Variants in LRRC4C observed in about 807,000 individuals in gnomAD.
LRRC4C encodes the protein leucine-rich repeat-containing protein 4C.
Under a neutral mutation model 33.6 loss-of-function variants are expected in LRRC4C, and 5 were observed. That is an observed-to-expected ratio of 0.15 (90% confidence interval 0.08 to 0.31). The LOEUF (loss-of-function observed/expected upper bound fraction) is 0.31, where lower values mean the gene tolerates loss of function less well. LRRC4C is among the 10% of genes least tolerant of loss of function. The pLI is 1.00. For missense variants in LRRC4C, 560 were observed against 796.7 expected (o/e 0.70, Z 3.58); for synonymous variants, 329 against 302.0 (o/e 1.09, Z -0.93).
At chr11:40,845,246 G>A (rs1953102861) in intron 2 of LRRC4C, among the ~76,000 whole-genome samples, 1 of 151,936 alleles carries the variant, frequency 6.6e-6, no homozygotes, top group African/African-American at 2.4e-5. Flanking sequence ...ATGGTGGTTT[G>A]CTGCATCCAT....
At chr11:40,275,153 T>C (rs974734610) in intron 4 of LRRC4C, among the ~76,000 whole-genome samples, 4 of 152,184 alleles carry the variant, frequency 2.6e-5, no homozygotes, top group African/African-American at 9.6e-5. Flanking sequence ...AGAGTCTGTC[T>C]TTTAAATGTA....
chr11:40,236,106 A>C (rs1268770243), intron 5 of LRRC4C, among the ~76,000 whole-genome samples: 1 of 152,038 alleles, frequency 6.6e-6, no homozygotes, highest in African/African-American at 2.4e-5. Flanking sequence ...AAAAAAAAAA[A>C]CAGCTACCAC....
intron 3 of LRRC4C, among the ~76,000 whole-genome samples, chr11:40,482,306 G>T (rs1424449870): frequency 6.6e-6 from 1 of 152,084 alleles, no homozygotes; most frequent in Non-Finnish European, 1.5e-5. Flanking sequence ...AGGACATTCA[G>T]ATTAATTGTG....
chr11:40,430,610 C>T (rs980278331), intron 3 of LRRC4C, among the ~76,000 whole-genome samples: 3 of 152,104 alleles, frequency 2.0e-5, no homozygotes, highest in Admixed American at 1.3e-4. Context: ...GAGACTTTGA[C>T]TGTGGCTGGC....
At chr11:40,542,598 T>G (rs1956766102) in intron 3 of LRRC4C, among the ~76,000 whole-genome samples, 1 of 151,964 alleles carries the variant, frequency 6.6e-6, no homozygotes, top group African/African-American at 2.4e-5. Context: ...GGCTTGGGAG[T>G]TTCCCTAGAG....
intron 1 of LRRC4C, among the ~76,000 whole-genome samples, chr11:41,119,908 A>G (rs1590656465): frequency 6.6e-6 from 1 of 152,192 alleles, no homozygotes; most frequent in African/African-American, 2.4e-5. Context: ...TAAAAAAATG[A>G]CTAGTGTAGG....
intron 1 of LRRC4C, among the ~76,000 whole-genome samples, chr11:41,206,407 T>C (rs1421507957): frequency 6.6e-6 from 1 of 152,188 alleles, no homozygotes; most frequent in African/African-American, 2.4e-5. Context: ...AAAAGTCTAA[T>C]ATTCCAACAC....
At chr11:40,599,522 C>T (rs1355416345) in intron 3 of LRRC4C, among the ~76,000 whole-genome samples, 1 of 152,104 alleles carries the variant, frequency 6.6e-6, no homozygotes, top group Non-Finnish European at 1.5e-5. Context: ...TATCCTGTCT[C>T]ATTTTTTGAC....
At chr11:40,638,140 G>A (rs1179974078) in intron 3 of LRRC4C, among the ~76,000 whole-genome samples, 1 of 152,056 alleles carries the variant, frequency 6.6e-6, no homozygotes, top group Non-Finnish European at 1.5e-5. Flanking sequence ...ATATTTTTCT[G>A]TAGAACTTGT....
intron 1 of LRRC4C, among the ~76,000 whole-genome samples, chr11:41,021,184 AGAGAGAGAG>A (rs1159374735): frequency 8.4e-6 from 1 of 119,280 alleles, no homozygotes; most frequent in Non-Finnish European, 1.8e-5. Flanking sequence ...AGAGAGAGAG[AGAGAGAGAG>A]AGAGAGAGAG....
At chr11:40,334,630 T>C (rs1946514551) in intron 3 of LRRC4C, among the ~76,000 whole-genome samples, 1 of 152,154 alleles carries the variant, frequency 6.6e-6, no homozygotes, top group Non-Finnish European at 1.5e-5. Context: ...AGTACTGAAG[T>C]CACCAGATAA....
chr11:40,221,537 G>C (rs1327542244), intron 5 of LRRC4C, among the ~76,000 whole-genome samples: 2 of 152,028 alleles, frequency 1.3e-5, no homozygotes, highest in Non-Finnish European at 2.9e-5. Context: ...TACTTATTTA[G>C]CCAGGTATAA....
chr11:41,078,030 C>T (rs1170505333), intron 1 of LRRC4C, among the ~76,000 whole-genome samples: 1 of 152,208 alleles, frequency 6.6e-6, no homozygotes, highest in Non-Finnish European at 1.5e-5. Flanking sequence ...CCACCAGTCT[C>T]TTTGCTAAAG....
At chr11:40,338,595 G>T (rs1946733077) in intron 3 of LRRC4C, among the ~76,000 whole-genome samples, 1 of 152,090 alleles carries the variant, frequency 6.6e-6, no homozygotes, top group African/African-American at 2.4e-5. Context: ...TGAATATGAG[G>T]TCTATCTTGT....
At chr11:40,903,993 C>T (rs927946540) in intron 2 of LRRC4C, among the ~76,000 whole-genome samples, 1 of 151,742 alleles carries the variant, frequency 6.6e-6, no homozygotes, top group Admixed American at 6.6e-5. Flanking sequence ...GAAGTAACTG[C>T]AAAAATGACT....
At chr11:41,352,542 A>G (rs1485801168) in intron 1 of LRRC4C, among the ~76,000 whole-genome samples, 4 of 152,144 alleles carry the variant, frequency 2.6e-5, no homozygotes, top group African/African-American at 9.7e-5. Context: ...CATATACAGA[A>G]CAGTCAACTG....
At chr11:41,348,566 A>G (rs970679424) in intron 1 of LRRC4C, among the ~76,000 whole-genome samples, 14 of 151,850 alleles carry the variant, frequency 9.2e-5, no homozygotes, top group African/African-American at 3.1e-4. Context: ...ATGGCCGACT[A>G]GATACAGCCA....
chr11:40,584,936 A>G (rs1440523779), intron 3 of LRRC4C, among the ~76,000 whole-genome samples: 2 of 149,924 alleles, frequency 1.3e-5, no homozygotes, highest in Non-Finnish European at 3.0e-5. Context: ...CACTTCAAAA[A>G]CCAATTAAAA....
At chr11:40,248,763 T>C (rs1866540466) in intron 4 of LRRC4C, among the ~76,000 whole-genome samples, 1 of 152,136 alleles carries the variant, frequency 6.6e-6, no homozygotes. Context: ...TTTGAGGTAA[T>C]AGATTCCCAG....
Sources: gnomAD v4.1 joint callset for allele counts (sites outside exome capture counted in the v4.1 genomes callset) on GRCh38, gnomAD v4.1.1 for gene constraint, MANE v1.5 for transcripts, NCBI Gene and HGNC (gene_info 2026-07-23, HGNC 2026-07-21) for gene names.